The following TTC7B variants were observed in gnomAD, a reference collection of about 807,000 sequenced individuals.
The protein encoded by TTC7B is tetratricopeptide repeat protein 7B.
TTC7B carries 28 observed loss-of-function variants against 106.8 expected under a neutral mutation model. The ratio of observed to expected loss-of-function variants is 0.26; its 90% confidence interval spans 0.19 to 0.36. The LOEUF (loss-of-function observed/expected upper bound fraction) is 0.36, where lower values mean the gene tolerates loss of function less well. Ranked by LOEUF, TTC7B falls within the 10% of genes least tolerant of loss-of-function variation. The probability of loss-of-function intolerance (pLI) is 1.00; values close to 1 mark genes in which losing one functional copy is unlikely to be tolerated. For missense variants in TTC7B, 862 were observed against 1,076.4 expected (o/e 0.80, Z 2.79); for synonymous variants, 405 against 430.6 (o/e 0.94, Z 0.74).
Position 90,622,116 on chromosome 14 carries a change from A to AT in TTC7B, c.1752-4072dup, listed in dbSNP as rs34021447. ...TAGCCACACAAAGTTCATGATTCTA[A>AT]TTTTTTTTTTTTTTTTTTTGAGACA... On this transcript the variant is annotated intron_variant, in intron 15 of 19. Coordinates refer to ENST00000328459, the MANE Select transcript of TTC7B (RefSeq NM_001010854.2). Among the ~76,000 whole-genome samples the AT allele has an allele frequency of 4.4e-3, 598 of 134,994 alleles. 1 individual carries two copies. Among genetic ancestry groups the AT allele is most frequent in the South Asian group, 5.6e-3 (23 of 4,096 alleles). The allele number at this position is 134,994 out of a possible 152,430, so 88.6% of individuals were successfully genotyped here.
chr14:90,592,407 G>A (rs933037986), intron 18 of TTC7B, among the ~76,000 whole-genome samples: 10 of 152,120 alleles, frequency 6.6e-5, no homozygotes, highest in African/African-American at 2.4e-4. Context: ...TGGGATTCTC[G>A]TTATTAAAAT....
Position 90,644,223 on chromosome 14 carries a change from A to G in TTC7B, c.1591-15T>C, listed in dbSNP as rs758673151. ...GCCTCTGGGATCTGGTTTAAAACAAAACCAAAAAAGGTTTTACATACACAC... is the reference window on the plus strand; with the variant it reads ...GCCTCTGGGATCTGGTTTAAAACAAGACCAAAAAAGGTTTTACATACACAC... On this transcript the variant is annotated splice_polypyrimidine_tract_variant and intron_variant, in intron 14 of 19. Coordinates refer to ENST00000328459, the MANE Select transcript of TTC7B (RefSeq NM_001010854.2). The G allele has an allele frequency of 7.1e-6, 11 of 1,556,570 alleles. No homozygotes were observed. The highest frequency in any genetic ancestry group is 2.6e-6 in the Non-Finnish European group (3 of 1,157,186).
At chr14:90,553,267 A>T (rs368888180) in intron 19 of TTC7B, among the ~76,000 whole-genome samples, 4 of 152,198 alleles carry the variant, frequency 2.6e-5, no homozygotes, top group African/African-American at 9.6e-5. Flanking sequence ...CAGGTCAGAC[A>T]TTTTATCTGG....
intron 1 of TTC7B, among the ~76,000 whole-genome samples, chr14:90,810,626 C>T (rs768595355): frequency 6.6e-6 from 1 of 152,204 alleles, no homozygotes; most frequent in Non-Finnish European, 1.5e-5. Context: ...ACTGCTCCAG[C>T]GAGTGAGGCC....
intron 19 of TTC7B, among the ~76,000 whole-genome samples, chr14:90,565,439 G>A (rs1890752413): frequency 8.6e-6 from 1 of 116,800 alleles, no homozygotes; most frequent in Non-Finnish European, 1.6e-5. Context: ...GTCTTGCTCT[G>A]TTGCCAGGCT....
At position 90,600,310 on chromosome 14, in the gene TTC7B, C is replaced by T. The variant is rs867088475; in HGVS notation, c.1967-6684G>A. Among the ~76,000 whole-genome samples the T allele has an allele frequency of 7.9e-5, 12 of 152,268 alleles. No homozygotes were observed. In the East Asian group the frequency reaches 2.1e-3, roughly 27 times the overall value. On this transcript the variant is annotated intron_variant, in intron 17 of 19. Transcript: ENST00000328459. This position sits in a 1 kb window ranked among gnomAD's most constrained non-coding sequence, Gnocchi z 4.3. ...GACTCCAGGTGGTGGCTCCTTGCAC[C>T]GCGCTGTCACAGCTCTCCTCTCCAT...
intron 1 of TTC7B, among the ~76,000 whole-genome samples, chr14:90,788,910 C>T (rs1031855519): frequency 1.3e-5 from 2 of 151,726 alleles, no homozygotes; most frequent in African/African-American, 4.8e-5. Context: ...TTGCAGTGAG[C>T]CAAGATCATG....
intron 16 of TTC7B, among the ~76,000 whole-genome samples, chr14:90,613,430 A>T (rs1892949930): frequency 6.6e-6 from 1 of 152,156 alleles, no homozygotes; most frequent in Admixed American, 6.5e-5. Context: ...TTTGTGACCG[A>T]TTGAGAATTT....
At chr14:90,687,034 T>C (rs1887276197) in intron 7 of TTC7B, among the ~76,000 whole-genome samples, 1 of 151,322 alleles carries the variant, frequency 6.6e-6, no homozygotes, top group Admixed American at 6.6e-5. Flanking sequence ...AAAATTCATA[T>C]GGAAATGCAA....
chr14:90,638,104 T>C (rs1885022284), intron 15 of TTC7B, among the ~76,000 whole-genome samples: 1 of 151,972 alleles, frequency 6.6e-6, no homozygotes, highest in South Asian at 2.1e-4. Flanking sequence ...AGGCTGGTCT[T>C]GAACTCCTGA....
rs551536142 is a variant in TTC7B at position 90,608,273 on chromosome 14, T to C, written c.1966+2469A>G. 1.3e-5 allele frequency among the ~76,000 whole-genome samples: 2 copies of C among 152,316 alleles called. No individual in the cohort carries two copies. The highest frequency in any genetic ancestry group is 4.8e-5 in the African/African-American group (2 of 41,572). On this transcript the variant is annotated intron_variant, in intron 17 of 19. Transcript: ENST00000328459. The surrounding 1 kb of genome is among the most constrained non-coding windows in gnomAD (Gnocchi z 5.1). The stretch of plus-strand genomic sequence containing the variant: ...ACTGTCATTTCAGAATATTTTACCC[T>C]CGTTTACAAATATGATAAGGCCTCC...
At chr14:90,668,765 T>C (rs1051000351) in intron 9 of TTC7B, among the ~76,000 whole-genome samples, 2 of 151,884 alleles carry the variant, frequency 1.3e-5, no homozygotes, top group Non-Finnish European at 2.9e-5. Context: ...TGAGGCATTG[T>C]TGAGACGGCA....
At chr14:90,768,111 T>G (rs1410937098) in intron 3 of TTC7B, among the ~76,000 whole-genome samples, 1 of 152,226 alleles carries the variant, frequency 6.6e-6, no homozygotes, top group Non-Finnish European at 1.5e-5. Flanking sequence ...TATCAGCAGA[T>G]TTCTCATCAG....
intron 15 of TTC7B, among the ~76,000 whole-genome samples, chr14:90,642,993 A>G (rs986173244): frequency 3.9e-5 from 6 of 152,144 alleles, no homozygotes; most frequent in Non-Finnish European, 2.9e-5. Flanking sequence ...ATATCCAAGT[A>G]TATCTGGCAG....
rs1251063611 is a variant in TTC7B, at chr14:90,526,061, A to G, written c.*15307T>C. ...CTCTGGGGTACATACTAAGAGAGGAATTCCTGGATAATTCTATGTCTAACT... is the reference window on the plus strand; with the variant it reads ...CTCTGGGGTACATACTAAGAGAGGAGTTCCTGGATAATTCTATGTCTAACT... On this transcript the variant is annotated 3_prime_UTR_variant, in exon 20 of 20. Transcript: ENST00000328459. The G allele has an allele frequency of 6.6e-6, 1 of 152,186 alleles. No homozygotes were observed. The highest frequency in any genetic ancestry group is 1.5e-5 in the Non-Finnish European group (1 of 68,030). 9.4% of individuals were successfully genotyped at this position (152,186 alleles called of 1,614,324 possible).
intron 1 of TTC7B, among the ~76,000 whole-genome samples, chr14:90,804,954 C>G (rs2030517244): frequency 6.6e-6 from 1 of 152,214 alleles, no homozygotes; most frequent in Non-Finnish European, 1.5e-5. Flanking sequence ...GTCCACCATG[C>G]AGGTCCACAA....
chr14:90,551,978 G>T (rs1312916263), intron 19 of TTC7B, among the ~76,000 whole-genome samples: 1 of 152,244 alleles, frequency 6.6e-6, no homozygotes, highest in Non-Finnish European at 1.5e-5. Flanking sequence ...GTCTCTATGG[G>T]GCTCTGTTTT....
intron 2 of TTC7B, among the ~76,000 whole-genome samples, chr14:90,785,839 C>T (rs1191951342): frequency 3.3e-5 from 5 of 152,218 alleles, no homozygotes; most frequent in Admixed American, 3.3e-4. Context: ...TGATTAACTT[C>T]TCTCTTTTCT....
At chr14:90,592,075 T>TG (rs1461675102) in intron 18 of TTC7B, among the ~76,000 whole-genome samples, 2 of 152,252 alleles carry the variant, frequency 1.3e-5, no homozygotes, top group African/African-American at 4.8e-5. Flanking sequence ...CTGACTGAGC[T>TG]GGGCTCTGCG....
Sources: allele counts gnomAD v4.1 joint callset (sites outside exome capture counted in the v4.1 genomes callset), GRCh38; gene constraint gnomAD v4.1.1; non-coding constraint Gnocchi (gnomAD v3.1); transcripts MANE v1.5; gene names NCBI Gene and HGNC (gene_info 2026-07-23, HGNC 2026-07-21).